The following CDKN2A variants were observed in gnomAD, a reference collection of about 807,000 sequenced individuals.
CDKN2A encodes cyclin-dependent kinase inhibitor 2A.
CDKN2A carries 3 observed loss-of-function variants against 11.1 expected under a neutral mutation model. That is an observed-to-expected ratio of 0.27 (90% CI 0.12 to 0.70). The LOEUF is 0.70. Ranked by LOEUF, CDKN2A falls within the 30% of genes least tolerant of loss-of-function variation. CDKN2A has a pLI of 0.77. For missense variants in CDKN2A, 265 were observed against 233.6 expected (o/e 1.13, Z -0.88); for synonymous variants, 122 against 108.1 (o/e 1.13, Z -0.80).
intron 2 of CDKN2A, among the ~76,000 whole-genome samples, chr9:21,986,177 A>G (rs1820293121): frequency 6.6e-6 from 1 of 152,060 alleles, no homozygotes; most frequent in Non-Finnish European, 1.5e-5. Context: ...GAATCTGCTC[A>G]CAGGTCATGT....
At chr9:21,989,994 G>A (rs574403384) in intron 2 of CDKN2A, 1 of 152,408 alleles carries the variant, frequency 6.6e-6, no homozygotes, top group Non-Finnish European at 1.5e-5. Flanking sequence ...GATCCAGGAG[G>A]AGGATGGTGG....
chr9:21,989,116 T>G (rs535413498), intron 2 of CDKN2A, among the ~76,000 whole-genome samples: 2 of 152,364 alleles, frequency 1.3e-5, no homozygotes, highest in East Asian at 3.9e-4. Flanking sequence ...TATTGACATT[T>G]GGTAGCTTCG....
chr9:21,989,271 A>C (rs1348409270), intron 2 of CDKN2A: 1 of 152,176 alleles, frequency 6.6e-6, no homozygotes, highest in Admixed American at 6.5e-5. Context: ...TCTACCAAAC[A>C]AATCCTTCAT....
chr9:21,968,156 T>C lies in CDKN2A; in HGVS notation c.*73A>G, dbSNP rs529641957. 21 of 1,326,876 alleles carry C rather than the reference T, an allele frequency of 1.6e-5. No homozygotes were observed. Among genetic ancestry groups the C allele is most frequent in the East Asian group, 2.3e-5 (1 of 43,114 alleles). The allele number at this position is 1,326,876 out of a possible 1,614,324, so 82.2% of individuals were successfully genotyped here. On this transcript the variant is annotated 3_prime_UTR_variant, in exon 3 of 3. Transcript: ENST00000304494. The surrounding 1 kb of genome is among the most constrained non-coding windows in gnomAD (Gnocchi z 4.7). ...GCGGGGTGGGTTGTGGCGGGGGCAG[T>C]TGTGGCCCTGTAGGACCTTCGGTGA... is the stretch of plus-strand genomic sequence containing the variant.
chr9:21,994,615 GGC>G (rs1485847635), intron 1 of CDKN2A: 26 of 545,632 alleles, frequency 4.8e-5, no homozygotes, highest in South Asian at 1.3e-4. Context: ...CCCGTAGGGA[GGC>G]GCGCGCGCGG....
intron 2 of CDKN2A, among the ~76,000 whole-genome samples, chr9:21,983,986 T>C (rs898373255): frequency 1.3e-5 from 2 of 152,030 alleles, no homozygotes; most frequent in South Asian, 2.1e-4. Context: ...ATAAGGTTAC[T>C]GTGAGGAATA....
At chr9:21,980,826 G>A (rs1266579031) in intron 2 of CDKN2A, among the ~76,000 whole-genome samples, 3 of 150,326 alleles carry the variant, frequency 2.0e-5, no homozygotes, top group Admixed American at 6.7e-5. Context: ...AGGCGAGGTG[G>A]CGGGCACCTG....
At chr9:21,970,705 C>A in intron 2 of CDKN2A, 197 bp downstream of exon 2, 1 of 677,182 alleles carries the variant, frequency 1.5e-6, no homozygotes, top group Non-Finnish European at 2.5e-6. Context: ...GTGCGCAAGT[C>A]CATTTCGGGA....
At chr9:21,985,043 T>C (rs891357613) in intron 2 of CDKN2A, among the ~76,000 whole-genome samples, 1 of 152,018 alleles carries the variant, frequency 6.6e-6, no homozygotes, top group East Asian at 1.9e-4. Flanking sequence ...ATAATCAACT[T>C]TGATTAAATA....
At position 21,974,726 on chromosome 9, in the gene CDKN2A, C is replaced by G. The variant is rs780780607; in HGVS notation, c.102G>C (p.Ala34=). The stretch of plus-strand genomic sequence containing the variant: ...TATTCGGTGCGTTGGGCAGCGCCCC[C>G]GCCTCCAGCAGCGCCCGCACCTCCT... ...RVEEVRALLE[A]GALPNAPNSY... is the part of the protein sequence containing the mutation. Residue 34 remains alanine, a synonymous_variant, in exon 1 of 3, where the codon GCG becomes GCC. Transcript: ENST00000304494. The surrounding 1 kb of genome is among the most constrained non-coding windows in gnomAD (Gnocchi z 5.2). 2.0e-5 allele frequency: 33 copies of G among 1,612,998 alleles called. No homozygotes were observed. Among genetic ancestry groups the G allele is most frequent in the Non-Finnish European group, 3.4e-6 (4 of 1,179,870 alleles).
chr9:21,975,979 A>G (rs913600351), upstream of CDKN2A, among the ~76,000 whole-genome samples: 6 of 152,248 alleles, frequency 3.9e-5, no homozygotes, highest in Admixed American at 2.6e-4. Flanking sequence ...GTATTAATAC[A>G]TATAAGCCTT....
rs767404338 is a variant in CDKN2A, at chr9:21,974,438, T to A, written c.150+240A>T. The A allele has an allele frequency of 6.2e-7, 1 of 1,610,560 alleles. No homozygotes were observed. Among genetic ancestry groups the A allele is most frequent in the Admixed American group, 1.7e-5 (1 of 59,938 alleles). ...ATACAAATATGTTCCCCCCTTCAGA[T>A]CTTCTCAGCATTCGAGAGATCTGTA... On this transcript the variant is annotated intron_variant, in intron 1 of 2. Coordinates refer to ENST00000304494, the MANE Select transcript of CDKN2A (RefSeq NM_000077.5). The surrounding 1 kb of genome is among the most constrained non-coding windows in gnomAD (Gnocchi z 5.2).
At chr9:21,970,463 C>G (rs1587329477) in intron 2 of CDKN2A, 1 of 386,994 alleles carries the variant, frequency 2.6e-6, no homozygotes, top group South Asian at 3.6e-5. Context: ...GATGATGCCA[C>G]GCACAATTGG....
intron 1 of CDKN2A, among the ~76,000 whole-genome samples, chr9:21,972,844 A>C (rs1330892062): frequency 6.6e-6 from 1 of 152,188 alleles, no homozygotes; most frequent in Non-Finnish European, 1.5e-5. Context: ...TTTTAGGATA[A>C]CTGTTATTTG....
chr9:21,976,346 T>A (rs1272887850), upstream of CDKN2A, among the ~76,000 whole-genome samples: 2 of 137,708 alleles, frequency 1.5e-5, no homozygotes, highest in African/African-American at 5.6e-5. Context: ...GCCACCACCC[T>A]CCAGCCTGGG....
At chr9:21,981,337 A>G (rs950824580) in intron 2 of CDKN2A, among the ~76,000 whole-genome samples, 2 of 151,262 alleles carry the variant, frequency 1.3e-5, no homozygotes, top group Non-Finnish European at 2.9e-5. Context: ...TTGTGTTACC[A>G]GGAAAAAAAG....
At chr9:21,990,639 A>AGAGAGAGAGAGAGAGAGAGAGAGG (rs2131141059) in intron 2 of CDKN2A, among the ~76,000 whole-genome samples, 1 of 151,696 alleles carries the variant, frequency 6.6e-6, no homozygotes, top group African/African-American at 2.4e-5. Context: ...AGAGAGAGAG[A>AGAGAGAGAGAGAGAGAGAGAGAGG]GAGAGAGAGA....
chr9:21,973,984 G>A (rs1345462936), intron 1 of CDKN2A, among the ~76,000 whole-genome samples: 2 of 152,058 alleles, frequency 1.3e-5, no homozygotes, highest in Admixed American at 6.6e-5. Flanking sequence ...TCAGCCTCCC[G>A]GGTTCAAGCG....
At position 21,968,470 on chromosome 9, in the gene CDKN2A, C is replaced by A; in HGVS notation, c.458-228G>T. On this transcript the variant is annotated intron_variant, in intron 2 of 2. Coordinates refer to ENST00000304494, the MANE Select transcript of CDKN2A (RefSeq NM_000077.5). This position sits in a 1 kb window ranked among gnomAD's most constrained non-coding sequence, Gnocchi z 4.7. ...GCTCCAGGCGCGCCGACCGCTCAAG[C>A]GCTCCAGGTCCACCCGGCGGAGGGC... The A allele has an allele frequency of 6.8e-7, 1 of 1,468,838 alleles. No individual in the cohort carries two copies. The highest frequency in any genetic ancestry group is 1.4e-5 in the South Asian group (1 of 71,012). 91.0% of individuals were successfully genotyped at this position (1,468,838 alleles called of 1,614,324 possible).
Sources: allele counts gnomAD v4.1 joint callset (sites outside exome capture counted in the v4.1 genomes callset), GRCh38; gene constraint gnomAD v4.1.1; non-coding constraint Gnocchi (gnomAD v3.1); transcripts MANE v1.5; gene names NCBI Gene and HGNC (gene_info 2026-07-23, HGNC 2026-07-21).